Variants in AKAP6 observed in about 807,000 individuals in gnomAD.
The protein encoded by AKAP6 is A-kinase anchoring protein 6.
Under a neutral mutation model 188.5 loss-of-function variants are expected in AKAP6, and 58 were observed. The observed-to-expected ratio is 0.31, with a 90% CI of 0.25 to 0.38. The LOEUF (loss-of-function observed/expected upper bound fraction) is 0.38. AKAP6 is among the 10% of genes least tolerant of loss of function. AKAP6 has a pLI of 1.00. For missense variants in AKAP6, 2,710 were observed against 2,740.0 expected, an observed-to-expected ratio of 0.99 and a Z score of 0.24; for synonymous variants, 989 against 998.6, an observed-to-expected ratio of 0.99 and a Z score of 0.18.
At chr14:32,635,437 T>C (rs1164441924) in intron 7 of AKAP6, among the ~76,000 whole-genome samples, 2 of 152,024 alleles carry the variant, frequency 1.3e-5, no homozygotes, top group Non-Finnish European at 2.9e-5. Flanking sequence ...AAAGAAAGGA[T>C]CACATGATAC....
At chr14:32,633,689 A>G (rs138751034) in intron 7 of AKAP6, among the ~76,000 whole-genome samples, 1 of 152,188 alleles carries the variant, frequency 6.6e-6, no homozygotes, top group Non-Finnish European at 1.5e-5. Context: ...AAAACCCGCA[A>G]CCCACTCACA....
Position 32,811,255 on chromosome 14 carries a change from A to AAAT in AKAP6, c.3589-10146_3589-10145insATA, listed in dbSNP as rs546819675. The stretch of plus-strand genomic sequence containing the variant: ...CTCCGTCTCAGGAAAAAAAAAAAAA[A>AAAT]AGTTGAAAAACAGACTAAGATAATG... On this transcript the variant is annotated intron_variant, in intron 12 of 13. Transcript: ENST00000280979. Among the ~76,000 whole-genome samples the AAAT allele has an allele frequency of 1.9e-4, 22 of 118,346 alleles. 4 individuals carry two copies. Among genetic ancestry groups the AAAT allele is most frequent in the South Asian group, 8.3e-4 (3 of 3,596 alleles). 77.6% of individuals were successfully genotyped at this position (118,346 alleles called of 152,430 possible).
At chr14:32,704,800 A>C (rs528384576) in intron 9 of AKAP6, among the ~76,000 whole-genome samples, 1 of 152,338 alleles carries the variant, frequency 6.6e-6, no homozygotes, top group South Asian at 2.1e-4. Flanking sequence ...TACATCAGGA[A>C]GGCATTGGTT....
At chr14:32,774,158 G>T (rs985561800) in intron 12 of AKAP6, among the ~76,000 whole-genome samples, 1 of 151,584 alleles carries the variant, frequency 6.6e-6, no homozygotes, top group African/African-American at 2.4e-5. Flanking sequence ...TTGTCTTTTT[G>T]AAAAAAATCA....
rs374773218 is a variant in AKAP6, at chr14:32,744,582, A to C, written c.3372+8700A>C. On this transcript the variant is annotated intron_variant, in intron 11 of 13. Transcript: ENST00000280979. ...CTGCCCTCCTTGGCCTCCCCAAAGT[A>C]CTGGGATTACAGGCATGAGCCACTG... Among the ~76,000 whole-genome samples the C allele has an allele frequency of 6.0e-4, 92 of 152,200 alleles. 1 individual carries two copies. In the East Asian group the frequency reaches 9.7e-3, roughly 16 times the overall value.
At chr14:32,786,296 A>ATGGTTTTTTTTTT in intron 12 of AKAP6, among the ~76,000 whole-genome samples, 8 of 93,716 alleles carry the variant, frequency 8.5e-5, no homozygotes, top group East Asian at 3.0e-4. Context: ...CTAAACCTTT[A>ATGGTTTTTTTTTT]TCTTTTTTTT....
Position 32,577,173 on chromosome 14 carries a change from A to T in AKAP6, c.2400A>T (p.Glu800Asp), listed in dbSNP as rs754837936. ...EFIQWLNEAM[E>D]TTENWTPPKA... is the part of the protein sequence containing the mutation. The stretch of plus-strand genomic sequence containing the variant: ...TTCAATGGTTAAATGAAGCCATGGA[A>T]ACTACAGAAAATTGGACTCCCCCTA... Residue 800 changes from glutamate (E) to aspartate (D), a missense_variant, in exon 5 of 14, where the codon GAA (glutamate) becomes GAT (aspartate). Glu to Asp is a conservative substitution (Grantham distance 45). Transcript: ENST00000280979. 1 of 1,612,672 alleles carries T rather than the reference A, an allele frequency of 6.2e-7. No homozygotes were observed. The highest frequency in any genetic ancestry group is 1.1e-5 in the South Asian group (1 of 90,882).
chr14:32,681,577 G>A (rs1424075698), intron 8 of AKAP6, among the ~76,000 whole-genome samples: 1 of 152,018 alleles, frequency 6.6e-6, no homozygotes, highest in African/African-American at 2.4e-5. Flanking sequence ...AGAAATGGAA[G>A]TCTTAAGTAG....
At chr14:32,751,498 CT>C (rs71432082) in intron 11 of AKAP6, among the ~76,000 whole-genome samples, 27 of 122,520 alleles carry the variant, frequency 2.2e-4, no homozygotes, top group East Asian at 9.6e-4. Flanking sequence ...TCTCTTTTCA[CT>C]TTTTTTTTTT....
intron 7 of AKAP6, among the ~76,000 whole-genome samples, chr14:32,670,717 CT>C (rs1024840444): frequency 1.3e-5 from 2 of 151,390 alleles, no homozygotes; most frequent in African/African-American, 2.4e-5. Flanking sequence ...ATTAAAGAAG[CT>C]TTTTTTTCTT....
chr14:32,620,737 G>A lies in AKAP6; in HGVS notation c.2730+19945G>A, dbSNP rs115742466. On this transcript the variant is annotated intron_variant, in intron 7 of 13. Transcript: ENST00000280979. Reference sequence around the variant, plus strand: ...TCTTTTAGAATAGTTTCATAGGATTGTGACCAGTTCTTTGAATATCTGGTA... The same window carrying A: ...TCTTTTAGAATAGTTTCATAGGATTATGACCAGTTCTTTGAATATCTGGTA... Among the ~76,000 whole-genome samples, 611 of 151,970 alleles carry A rather than the reference G, an allele frequency of 4.0e-3. 1 individual carries two copies. The highest frequency in any genetic ancestry group is 0.014 in the African/African-American group (568 of 41,518).
intron 11 of AKAP6, among the ~76,000 whole-genome samples, chr14:32,769,037 A>ATTTTTTGTTTTTTTTTTTT (rs2032807383): frequency 1.8e-5 from 1 of 56,924 alleles, no homozygotes. Context: ...TGCTCTTTTG[A>ATTTTTTGTTTTTTTTTTTT]TTTTTTTTTT....
intron 11 of AKAP6, 88 bp downstream of exon 11, chr14:32,735,970 G>C (rs1308530437): frequency 2.1e-6 from 2 of 961,696 alleles, no homozygotes; most frequent in Non-Finnish European, 3.1e-6. Flanking sequence ...TTATACCCAT[G>C]TATCTGTGTA....
intron 5 of AKAP6, among the ~76,000 whole-genome samples, chr14:32,587,887 A>G (rs567707484): frequency 6.6e-6 from 1 of 152,288 alleles, no homozygotes; most frequent in South Asian, 2.1e-4. Flanking sequence ...AGGTAACGTG[A>G]TATTATAAGT....
At chr14:32,742,176 A>G (rs2031709710) in intron 11 of AKAP6, among the ~76,000 whole-genome samples, 1 of 151,968 alleles carries the variant, frequency 6.6e-6, no homozygotes, top group Non-Finnish European at 1.5e-5. Flanking sequence ...TGCTCATAGT[A>G]GCCACTAATG....
At chr14:32,410,606 A>G (rs1197535387) in intron 1 of AKAP6, among the ~76,000 whole-genome samples, 1 of 152,218 alleles carries the variant, frequency 6.6e-6, no homozygotes, top group Non-Finnish European at 1.5e-5. Context: ...AATATTTTAT[A>G]GAGTTTGACT....
chr14:32,420,468 A>G (rs1049674369), intron 1 of AKAP6, among the ~76,000 whole-genome samples: 1 of 152,134 alleles, frequency 6.6e-6, no homozygotes, highest in Non-Finnish European at 1.5e-5. Context: ...AATTATTAAC[A>G]CTATTTAAGT....
At chr14:32,353,213 C>G (rs1193272674) in intron 1 of AKAP6, among the ~76,000 whole-genome samples, 1 of 152,110 alleles carries the variant, frequency 6.6e-6, no homozygotes. Context: ...AATTGGTACA[C>G]CCTTCTTTAC....
rs191560940 is a variant in AKAP6 at position 32,353,386 on chromosome 14, C to T, written c.-35+23978C>T. ...ACCATCCTGGCTAACACGGTGAAAC[C>T]CTGTCTCTACTAAAAATACAAAAAA... On this transcript the variant is annotated intron_variant, in intron 1 of 13. Transcript: ENST00000280979. 4.4e-3 allele frequency among the ~76,000 whole-genome samples: 670 copies of T among 152,222 alleles called. 4 individuals are homozygous for T. The highest frequency in any genetic ancestry group is 0.015 in the African/African-American group (632 of 41,524).
Sources: gnomAD v4.1 joint callset for allele counts (sites outside exome capture counted in the v4.1 genomes callset) on GRCh38, gnomAD v4.1.1 for gene constraint, MANE v1.5 for transcripts, NCBI Gene and HGNC (gene_info 2026-07-23, HGNC 2026-07-21) for gene names.